PAK3: variants seen among roughly 807,000 people sequenced by gnomAD.
The protein encoded by PAK3 is p21 (RAC1) activated kinase 3, also known as serine/threonine-protein kinase PAK 3.
A neutral mutation model predicts 41.0 loss-of-function variants in PAK3; 4 were observed. The ratio of observed to expected loss-of-function variants is 0.10; its 90% CI spans 0.05 to 0.22. The LOEUF is 0.22. Among genes scored for constraint, PAK3 ranks in the 10% least tolerant of loss-of-function variants. The pLI is 1.00. For missense variants in PAK3, 205 were observed against 409.9 expected, an observed-to-expected ratio of 0.50 and a Z score of 4.32; for synonymous variants, 146 against 139.6, an observed-to-expected ratio of 1.05 and a Z score of -0.32.
At chrX:110,956,207 C>T (rs1466051662) in intron 1 of PAK3, among the ~76,000 whole-genome samples, 1 of 112,055 alleles carries the variant, frequency 8.9e-6, no homozygotes, top group African/African-American at 3.2e-5. Flanking sequence ...TTTAGCCTCT[C>T]TAAACCTCTG....
At chrX:110,961,502 T>C (rs1048325357) in intron 1 of PAK3, among the ~76,000 whole-genome samples, 1 of 111,868 alleles carries the variant, frequency 8.9e-6, no homozygotes, top group Admixed American at 9.5e-5. Flanking sequence ...CAAACCTAGA[T>C]GTACCTGTGT....
intron 1 of PAK3, among the ~76,000 whole-genome samples, chrX:111,037,491 C>T (rs2092412215): frequency 9.0e-6 from 1 of 111,264 alleles, no homozygotes; most frequent in Admixed American, 9.6e-5. Context: ...CAAAGAAAAG[C>T]AAGTGTTTCA....
intron 4 of PAK3, among the ~76,000 whole-genome samples, chrX:111,120,653 A>G (rs988355239): frequency 4.5e-5 from 5 of 111,648 alleles, no homozygotes; most frequent in African/African-American, 1.3e-4. Flanking sequence ...CAGAAAATAT[A>G]TATCATCCAG....
intron 1 of PAK3, among the ~76,000 whole-genome samples, chrX:111,016,746 G>GGAAA (rs1238378725): frequency 1.1e-5 from 1 of 93,609 alleles, no homozygotes; most frequent in South Asian, 7.0e-4. Flanking sequence ...AAGGAAGGAA[G>GGAAA]GAAGGGAGAG....
intron 1 of PAK3, among the ~76,000 whole-genome samples, chrX:111,009,945 G>A (rs915234084): frequency 6.3e-5 from 7 of 111,526 alleles, no homozygotes; most frequent in Admixed American, 1.9e-4. Flanking sequence ...TTACACGGCT[G>A]AGTAATATTG....
At chrX:110,963,955 C>A (rs2091032816) in intron 1 of PAK3, among the ~76,000 whole-genome samples, 1 of 112,141 alleles carries the variant, frequency 8.9e-6, no homozygotes, top group South Asian at 3.7e-4. Flanking sequence ...TCCTGATACA[C>A]AACTGGGCAA....
At chrX:111,128,223 G>A (rs1027728459) in intron 5 of PAK3, among the ~76,000 whole-genome samples, 1 of 111,984 alleles carries the variant, frequency 8.9e-6, no homozygotes, top group Non-Finnish European at 1.9e-5. Context: ...ATGCAGTGCT[G>A]TGTAATGGAC....
At chrX:111,177,215 T>C (rs1158844418) in intron 11 of PAK3, among the ~76,000 whole-genome samples, 3 of 112,303 alleles carry the variant, frequency 2.7e-5, no homozygotes, top group Non-Finnish European at 3.8e-5. Flanking sequence ...CCCAGTATTT[T>C]ATTCTCAGCT....
chrX:111,031,650 C>A (rs538534435), intron 1 of PAK3, among the ~76,000 whole-genome samples: 54 of 111,520 alleles, frequency 4.8e-4, no homozygotes, highest in African/African-American at 1.8e-3. Flanking sequence ...GACTTTTCAG[C>A]AGCGGACAGA....
At chrX:111,158,393 T>A (rs1475584859) in intron 8 of PAK3, among the ~76,000 whole-genome samples, 2 of 112,146 alleles carry the variant, frequency 1.8e-5, no homozygotes, top group African/African-American at 6.5e-5. Flanking sequence ...TTAAAGTATG[T>A]CTGTCTTGAT....
intron 8 of PAK3, among the ~76,000 whole-genome samples, chrX:111,161,609 G>T (rs1295540321): frequency 8.3e-4 from 92 of 111,210 alleles, no homozygotes; most frequent in African/African-American, 2.9e-3. Context: ...GGTCTAACAT[G>T]TAAGTCTTTA....
intron 1 of PAK3, among the ~76,000 whole-genome samples, chrX:111,070,109 A>C (rs970818433): frequency 1.8e-5 from 2 of 111,415 alleles, no homozygotes; most frequent in African/African-American, 6.6e-5. Context: ...GGTAATCCTG[A>C]GACAAAACAA....
intron 11 of PAK3, among the ~76,000 whole-genome samples, chrX:111,181,813 G>A (rs1349695856): frequency 2.8e-5 from 3 of 108,670 alleles, no homozygotes; most frequent in Non-Finnish European, 5.7e-5. Flanking sequence ...GATTCTTTGG[G>A]TAGGACCACC....
rs952275464 is a variant in PAK3, at chrX:111,225,098, A to T, written c.*4651A>T. ...CACACAATTCTGAACGTGTATTTGC[A>T]TGTGGACTGGGAAGGAAATAAATGG... On this transcript the variant is annotated 3_prime_UTR_variant, in exon 18 of 18. Transcript: ENST00000372007. 1 of 112,217 alleles carries T rather than the reference A, an allele frequency of 8.9e-6. No individual in the cohort carries two copies. The highest frequency in any genetic ancestry group is 9.5e-5 in the Admixed American group (1 of 10,573). The allele number at this position is 112,217 out of a possible 1,213,427, so 9.2% of individuals were successfully genotyped here. A position where few individuals can be genotyped will look rare whatever the true frequency, so the allele number is the denominator to read the frequency against.
chrX:111,193,908 A>G (rs186577366), intron 13 of PAK3, among the ~76,000 whole-genome samples: 2 of 112,080 alleles, frequency 1.8e-5, no homozygotes, highest in Admixed American at 1.9e-4. Context: ...AATTTTATGG[A>G]CACCACAGTT....
At chrX:111,056,709 C>T (rs1238514833) in intron 1 of PAK3, among the ~76,000 whole-genome samples, 4 of 112,168 alleles carry the variant, frequency 3.6e-5, no homozygotes, top group South Asian at 3.7e-4. Flanking sequence ...ACATAAATTG[C>T]TACATAATGT....
intron 8 of PAK3, 149 bp from the exon 9 acceptor site, chrX:111,162,766 A>G: frequency 1.8e-6 from 1 of 565,607 alleles, no homozygotes; most frequent in Non-Finnish European, 3.1e-6. Context: ...AGTCCTGGCC[A>G]CCAAATTGTT....
rs1433340503 is a variant in PAK3 at position 111,226,923 on chromosome X, C to A, written c.*6476C>A. The A allele has an allele frequency of 8.9e-6, 1 of 112,170 alleles. No individual in the cohort carries two copies. Among genetic ancestry groups the A allele is most frequent in the Non-Finnish European group, 1.9e-5 (1 of 53,273 alleles). The allele number at this position is 112,170 out of a possible 1,213,427, so 9.2% of individuals were successfully genotyped here. A position where few individuals can be genotyped will look rare whatever the true frequency, so the allele number is the denominator to read the frequency against. On this transcript the variant is annotated 3_prime_UTR_variant, in exon 18 of 18. Transcript: ENST00000372007. ...ACATCAGCCAGGAGGAGCCAGATCA[C>A]AGGGTAGTGATGTCTACTGGGATTA...
At chrX:111,202,757 G>A (rs2094698048) in intron 16 of PAK3, among the ~76,000 whole-genome samples, 1 of 111,483 alleles carries the variant, frequency 9.0e-6, no homozygotes, top group Non-Finnish European at 1.9e-5. Flanking sequence ...AGGTTTTGAT[G>A]GAATTTGTTA....
Sources: allele counts gnomAD v4.1 joint callset (sites outside exome capture counted in the v4.1 genomes callset), GRCh38; gene constraint gnomAD v4.1.1; transcripts MANE v1.5; gene names NCBI Gene and HGNC (gene_info 2026-07-23, HGNC 2026-07-21).